SHC4: variants seen among roughly 807,000 people sequenced by gnomAD.
SHC4 encodes SHC adaptor protein 4.
A neutral mutation model predicts 69.4 loss-of-function variants in SHC4; 41 were observed. That is an observed-to-expected ratio of 0.59 (90% CI 0.46 to 0.77). The LOEUF (loss-of-function observed/expected upper bound fraction) is 0.77. Ranked by LOEUF, SHC4 falls within the 30% of genes least tolerant of loss-of-function variation. The pLI, the probability that SHC4 is intolerant of heterozygous loss-of-function variation, is 0.00. For missense variants in SHC4, 777 were observed against 783.8 expected, an observed-to-expected ratio of 0.99 and a Z score of 0.10; for synonymous variants, 318 against 299.3, an observed-to-expected ratio of 1.06 and a Z score of -0.64.
intron 10 of SHC4, among the ~76,000 whole-genome samples, chr15:48,842,943 A>G (rs930918218): frequency 2.0e-5 from 3 of 152,128 alleles, no homozygotes; most frequent in African/African-American, 7.2e-5. Context: ...AAAAAAAAAG[A>G]AAAGAAGAAG....
intron 1 of SHC4, among the ~76,000 whole-genome samples, chr15:48,960,555 C>G (rs1004389745): frequency 2.0e-5 from 3 of 152,174 alleles, no homozygotes; most frequent in Non-Finnish European, 4.4e-5. Context: ...ACCCATTTGC[C>G]AGGACTGCCC....
intron 2 of SHC4, among the ~76,000 whole-genome samples, chr15:48,903,068 A>T (rs1002664731): frequency 4.6e-5 from 7 of 152,206 alleles, no homozygotes; most frequent in Non-Finnish European, 8.8e-5. Flanking sequence ...CTGGATCAAA[A>T]ACACCCATTT....
At position 48,899,044 on chromosome 15, in the gene SHC4, G is replaced by GAA. The variant is rs765788629; in HGVS notation, c.657-8235_657-8234dup. On this transcript the variant is annotated intron_variant, in intron 2 of 11. Coordinates refer to ENST00000332408, the MANE Select transcript of SHC4 (RefSeq NM_203349.4). ...TCACTTAAAAGCCAAAGCTCATTTA[G>GAA]AAAAAAAAAAAAAAAAAACCGAAAA... Among the ~76,000 whole-genome samples the GAA allele has an allele frequency of 7.5e-4, 66 of 87,820 alleles. No individual in the cohort carries two copies. In the South Asian group the frequency reaches 9.2e-3, roughly 12 times the overall value. The allele number at this position is 87,820 out of a possible 152,430, so 57.6% of individuals were successfully genotyped here.
At chr15:48,886,629 A>G (rs1900040810) in intron 3 of SHC4, among the ~76,000 whole-genome samples, 3 of 152,296 alleles carry the variant, frequency 2.0e-5, no homozygotes, top group East Asian at 3.9e-4. Context: ...TACTACTATC[A>G]CTTCCATTCT....
chr15:48,863,129 G>A (rs889680621), intron 6 of SHC4, among the ~76,000 whole-genome samples: 1 of 150,020 alleles, frequency 6.7e-6, no homozygotes, highest in African/African-American at 2.5e-5. Context: ...TTTATTCAAA[G>A]GTTTTGGATA....
At chr15:48,957,121 G>A (rs948003752) in intron 1 of SHC4, among the ~76,000 whole-genome samples, 1 of 151,718 alleles carries the variant, frequency 6.6e-6, no homozygotes, top group East Asian at 1.9e-4. Context: ...GGGAGTACAG[G>A]TGCATGCAAA....
chr15:48,857,607 T>C, intron 7 of SHC4, 85 bp downstream of exon 7: 1 of 1,220,726 alleles, frequency 8.2e-7, no homozygotes, highest in South Asian at 2.6e-5. Flanking sequence ...ACATTAATGT[T>C]ATATATACAC....
At chr15:48,938,929 C>A (rs1049960614) in intron 1 of SHC4, among the ~76,000 whole-genome samples, 2 of 152,158 alleles carry the variant, frequency 1.3e-5, no homozygotes, top group African/African-American at 4.8e-5. Context: ...GGCTGTGAAA[C>A]CTTGGACAAA....
intron 2 of SHC4, among the ~76,000 whole-genome samples, chr15:48,914,303 GTGAGTACATGGGTT>G (rs1216609803): frequency 3.3e-5 from 5 of 152,232 alleles, no homozygotes; most frequent in Non-Finnish European, 7.3e-5. Context: ...GATTTGGAGT[GTGAGTACATGGGTT>G]TGAGTCCCTG....
At chr15:48,881,375 CAAAAAAA>C (rs34708269) in intron 4 of SHC4, among the ~76,000 whole-genome samples, 1 of 109,044 alleles carries the variant, frequency 9.2e-6, no homozygotes, top group East Asian at 2.4e-4. Flanking sequence ...AAAAACAAAG[CAAAAAAA>C]AAAAAAAACC....
intron 3 of SHC4, among the ~76,000 whole-genome samples, chr15:48,884,572 G>A (rs1238456816): frequency 2.0e-5 from 3 of 152,124 alleles, no homozygotes; most frequent in African/African-American, 7.2e-5. Flanking sequence ...ATTAAGTAGT[G>A]AAATTTAGGC....
chr15:48,911,063 G>T (rs770174024), intron 2 of SHC4, among the ~76,000 whole-genome samples: 7 of 152,102 alleles, frequency 4.6e-5, no homozygotes, highest in Non-Finnish European at 8.8e-5. Flanking sequence ...GAAATGTTCT[G>T]TATATATCTG....
chr15:48,884,623 G>A (rs975762047), intron 3 of SHC4, among the ~76,000 whole-genome samples: 1 of 152,150 alleles, frequency 6.6e-6, no homozygotes, highest in Non-Finnish European at 1.5e-5. Context: ...CCCAGGTGCT[G>A]GGAGTGGGCT....
At chr15:48,865,123 G>T (rs893073860) in intron 6 of SHC4, among the ~76,000 whole-genome samples, 9 of 152,130 alleles carry the variant, frequency 5.9e-5, no homozygotes, top group African/African-American at 2.2e-4. Flanking sequence ...ACATCTTATG[G>T]ATTATGTTTC....
intron 4 of SHC4, among the ~76,000 whole-genome samples, chr15:48,882,402 G>C (rs1899961905): frequency 6.6e-6 from 1 of 152,062 alleles, no homozygotes; most frequent in African/African-American, 2.4e-5. Flanking sequence ...GAAAAGCTAT[G>C]GATTACTTTC....
chr15:48,846,801 C>T (rs1259668441), intron 9 of SHC4, among the ~76,000 whole-genome samples: 1 of 152,150 alleles, frequency 6.6e-6, no homozygotes, highest in Non-Finnish European at 1.5e-5. Context: ...GCATATTTAA[C>T]CCCACCACGT....
chr15:48,845,838 T>C (rs1362689003), intron 9 of SHC4, among the ~76,000 whole-genome samples: 3 of 152,192 alleles, frequency 2.0e-5, no homozygotes. Flanking sequence ...ACTCTAACTT[T>C]AAATTTTCCT....
intron 5 of SHC4, 27 bp from the exon 6 acceptor site, chr15:48,867,896 T>G: frequency 6.3e-7 from 1 of 1,575,232 alleles, no homozygotes; most frequent in Non-Finnish European, 8.7e-7. Context: ...ATGACTGTAT[T>G]TAAAATGGAT....
At chr15:48,892,715 T>C (rs1900157291) in intron 2 of SHC4, among the ~76,000 whole-genome samples, 1 of 151,994 alleles carries the variant, frequency 6.6e-6, no homozygotes, top group East Asian at 1.9e-4. Context: ...TACAAAAAAT[T>C]AGCCAGGCAT....
Sources: allele counts gnomAD v4.1 joint callset (sites outside exome capture counted in the v4.1 genomes callset), GRCh38; gene constraint gnomAD v4.1.1; transcripts MANE v1.5; gene names NCBI Gene and HGNC (gene_info 2026-07-23, HGNC 2026-07-21).